Variants in VPS13A observed in about 807,000 individuals in gnomAD.
The protein encoded by VPS13A is vacuolar protein sorting 13 homolog A.
Under a neutral mutation model 390.9 loss-of-function variants are expected in VPS13A, and 264 were observed. The observed-to-expected ratio is 0.68, with a 90% CI of 0.61 to 0.75. The LOEUF (loss-of-function observed/expected upper bound fraction) is 0.75, where lower values mean the gene tolerates loss of function less well. Ranked by LOEUF, VPS13A falls within the 30% of genes least tolerant of loss-of-function variation. The probability of loss-of-function intolerance (pLI) is 0.00; values close to 1 mark genes in which losing one functional copy is unlikely to be tolerated. For missense variants in VPS13A, 3,409 were observed against 3,733.9 expected (o/e 0.91, Z 2.27); for synonymous variants, 1,231 against 1,227.1 (o/e 1.00, Z -0.07).
At chr9:77,207,921 A>G (rs1825770963) in intron 5 of VPS13A, among the ~76,000 whole-genome samples, 1 of 152,050 alleles carries the variant, frequency 6.6e-6, no homozygotes, top group Non-Finnish European at 1.5e-5. Context: ...TTACCCTGCA[A>G]GATATAGGCA....
chr9:77,411,660 C>CAAAAAAAAAAAAAAAAAAAAAAAAA (rs1169254413), intron 71 of VPS13A, among the ~76,000 whole-genome samples: 4 of 33,920 alleles, frequency 1.2e-4, no homozygotes, highest in South Asian at 2.0e-3. Context: ...AACTCCATCT[C>CAAAAAAAAAAAAAAAAAAAAAAAAA]AAAAAAAAAA....
At chr9:77,335,379 CT>C in intron 46 of VPS13A, among the ~76,000 whole-genome samples, 1 of 152,046 alleles carries the variant, frequency 6.6e-6, no homozygotes, top group Non-Finnish European at 1.5e-5. Context: ...AACTAAAGAG[CT>C]TCTGCACAGC....
Position 77,339,522 on chromosome 9 carries a change from G to A in VPS13A, c.6385G>A (p.Glu2129Lys). ...YKIAYYIEGI[E>K]NSVFTLSEGH... ...TTTTTTTTTTTTATTACAGGGAATT[G>A]AAAATTCGGTTTTTACTCTAAGTGA... Residue 2129 changes from glutamate (E) to lysine (K), a missense_variant, in exon 48 of 72, where the codon GAA becomes AAA. By Grantham distance (56) the Glu-to-Lys change is moderately conservative (BLOSUM62 1). Transcript: ENST00000360280. 7.4e-7 allele frequency: 1 copy of A among 1,357,026 alleles called. No individual in the cohort carries two copies. Among genetic ancestry groups the A allele is most frequent in the Non-Finnish European group, 1.0e-6 (1 of 986,230 alleles). The allele number at this position is 1,357,026 out of a possible 1,614,324, so 84.1% of individuals were successfully genotyped here.
chr9:77,282,407 G>A, intron 29 of VPS13A, 133 bp downstream of exon 29: 2 of 813,070 alleles, frequency 2.5e-6, no homozygotes, highest in South Asian at 1.9e-5. Context: ...ATATCTAGAA[G>A]GATTCATTAT....
chr9:77,411,055 A>C (rs1834894803), intron 71 of VPS13A, among the ~76,000 whole-genome samples: 1 of 152,222 alleles, frequency 6.6e-6, no homozygotes, highest in African/African-American at 2.4e-5. Context: ...ACTCCTCAGC[A>C]AATGTAAAAG....
At chr9:77,359,838 C>T (rs1230624703) in intron 58 of VPS13A, among the ~76,000 whole-genome samples, 2 of 149,000 alleles carry the variant, frequency 1.3e-5, no homozygotes, top group African/African-American at 4.9e-5. Context: ...AAAAAGGCGG[C>T]TCTGGATGAA....
At chr9:77,195,844 G>T (rs908676071) in intron 1 of VPS13A, among the ~76,000 whole-genome samples, 1 of 151,576 alleles carries the variant, frequency 6.6e-6, no homozygotes, top group African/African-American at 2.4e-5. Context: ...CCTTCTGCTA[G>T]GTTTGCATTT....
In VPS13A at chr9:77,260,192, A is replaced by T. The variant is rs764645153; in HGVS notation, c.2395A>T (p.Thr799Ser). The T allele has an allele frequency of 1.2e-5, 20 of 1,613,490 alleles. No individual in the cohort carries two copies. The highest frequency in any genetic ancestry group is 3.3e-5 in the South Asian group (3 of 90,994). The change falls in exon 23 of 72, where the codon ACT becomes TCT. Residue 799 changes from threonine to serine, a missense_variant. By Grantham distance (58) the Thr-to-Ser change is moderately conservative (BLOSUM62 1). This residue lies in a region of VPS13A where 2,717 missense variants were observed against 2,917.4 expected (regional missense o/e 0.93). Coordinates refer to ENST00000360280, the MANE Select transcript of VPS13A (RefSeq NM_033305.3). ...AAGCATTCCAAAACCTGAACCAGTA[A>T]CTGAAGTATCTGCCCCTGTCAAATC... Reference protein sequence around the residue: ...IESIPKPEPVTEVSAPVKSFQ... With the variant: ...IESIPKPEPVSEVSAPVKSFQ...
At chr9:77,223,054 C>A (rs1313705413) in intron 13 of VPS13A, among the ~76,000 whole-genome samples, 1 of 152,188 alleles carries the variant, frequency 6.6e-6, no homozygotes, top group Admixed American at 6.6e-5. Context: ...AAATCTTCCA[C>A]CGTGTGGCTA....
chr9:77,280,157 A>G lies in VPS13A; in HGVS notation c.2825-2A>G, dbSNP rs1564691068. The stretch of plus-strand genomic sequence containing the variant: ...AGATAATTTTTAAAAAATTATTTTT[A>G]GATGAAAACAAGAAACCAGTTTATT... On this transcript the variant is annotated splice_acceptor_variant, in intron 26 of 71. Coordinates refer to ENST00000360280, the MANE Select transcript of VPS13A (RefSeq NM_033305.3). LOFTEE classifies it high-confidence loss of function. 1 of 1,601,298 alleles carries G rather than the reference A, an allele frequency of 6.2e-7. No homozygotes were observed. Among genetic ancestry groups the G allele is most frequent in the Non-Finnish European group, 8.5e-7 (1 of 1,171,292 alleles).
chr9:77,382,605 T>C (rs2131615317), intron 68 of VPS13A: 3 of 1,060,528 alleles, frequency 2.8e-6, no homozygotes, highest in African/African-American at 1.7e-5. Flanking sequence ...ACCAGATATA[T>C]AATCCTTATA....
At position 77,277,341 on chromosome 9, in the gene VPS13A, T is replaced by G. The variant is rs193217542; in HGVS notation, c.2824+1120T>G. ...GGTACAGAGATTTCCCATATACTCC[T>G]TGTACCCACACCTGCATAGCCTTTT... On this transcript the variant is annotated intron_variant, in intron 26 of 71. Coordinates refer to ENST00000360280, the MANE Select transcript of VPS13A (RefSeq NM_033305.3). 2.2e-4 allele frequency among the ~76,000 whole-genome samples: 34 copies of G among 152,318 alleles called. No homozygotes were observed. The East Asian group carries it at 5.4e-3, about 24-fold the overall frequency.
At chr9:77,317,332 CACTTT>C (rs1829456876) in intron 39 of VPS13A, among the ~76,000 whole-genome samples, 1 of 151,906 alleles carries the variant, frequency 6.6e-6, no homozygotes, top group South Asian at 2.1e-4. Context: ...TGTATGACCA[CACTTT>C]ACTTCAGTAA....
chr9:77,295,209 G>C (rs1037482177), intron 32 of VPS13A, among the ~76,000 whole-genome samples: 1 of 151,732 alleles, frequency 6.6e-6, no homozygotes, highest in African/African-American at 2.4e-5. Flanking sequence ...ATATAAATAA[G>C]CTCTCTGTCC....
chr9:77,220,525 T>G (rs1823149362), intron 12 of VPS13A, 142 bp downstream of exon 12: 1 of 651,674 alleles, frequency 1.5e-6, no homozygotes, highest in South Asian at 1.9e-5. Context: ...TAGAAATATA[T>G]GTAGCTGCTT....
intron 12 of VPS13A, among the ~76,000 whole-genome samples, 197 bp downstream of exon 12, chr9:77,220,580 C>T (rs1336215976): frequency 6.6e-6 from 1 of 152,038 alleles, no homozygotes; most frequent in African/African-American, 2.4e-5. Flanking sequence ...TTCTTGCTAA[C>T]ACAGTTTACA....
At chr9:77,373,456 C>T (rs952166329) in intron 67 of VPS13A, among the ~76,000 whole-genome samples, 15 of 124,970 alleles carry the variant, frequency 1.2e-4, no homozygotes, top group African/African-American at 4.2e-4. Context: ...AAACTGGATC[C>T]CTTCCTTACA....
In VPS13A at chr9:77,417,507, A is replaced by T. The variant is rs974558716; in HGVS notation, c.*1501A>T. ...AAATTGAATCAAACCACAAGTTTAA[A>T]ATCACATGAAAGTGTGTTTCCATGT... On this transcript the variant is annotated 3_prime_UTR_variant, in exon 72 of 72. Transcript: ENST00000360280. The T allele has an allele frequency of 6.6e-5, 10 of 152,142 alleles. No homozygotes were observed. The highest frequency in any genetic ancestry group is 2.4e-4 in the African/African-American group (10 of 41,426). The allele number at this position is 152,142 out of a possible 1,614,324, so 9.4% of individuals were successfully genotyped here. A position where few individuals can be genotyped will look rare whatever the true frequency, so the allele number is the denominator to read the frequency against.
intron 19 of VPS13A, among the ~76,000 whole-genome samples, chr9:77,245,606 A>G (rs1360134860): frequency 6.6e-6 from 1 of 152,082 alleles, no homozygotes; most frequent in African/African-American, 2.4e-5. Context: ...TTTCACTTGA[A>G]TTTGCTTCTT....
Sources: gnomAD v4.1 joint callset for allele counts (sites outside exome capture counted in the v4.1 genomes callset) on GRCh38, gnomAD v4.1.1 for gene constraint, gnomAD v4.1.1 regional missense constraint, MANE v1.5 for transcripts, NCBI Gene and HGNC (gene_info 2026-07-23, HGNC 2026-07-21) for gene names.